Variants in TOMM40 observed in about 807,000 individuals in gnomAD.
TOMM40 encodes mitochondrial import receptor subunit TOM40 homolog.
A neutral mutation model predicts 38.4 loss-of-function variants in TOMM40; 9 were observed. The observed-to-expected ratio is 0.23, with a 90% CI of 0.14 to 0.41. TOMM40 has a LOEUF of 0.41. Among genes scored for constraint, TOMM40 ranks in the 10% least tolerant of loss-of-function variants. The probability of loss-of-function intolerance (pLI) is 1.00; values close to 1 mark genes in which losing one functional copy is unlikely to be tolerated. For missense variants in TOMM40, 299 were observed against 486.5 expected, an observed-to-expected ratio of 0.61 and a Z score of 3.63; for synonymous variants, 184 against 210.0, an observed-to-expected ratio of 0.88 and a Z score of 1.07.
intron 5 of TOMM40, among the ~76,000 whole-genome samples, chr19:44,897,778 A>G (rs1969594374): frequency 7.3e-6 from 1 of 137,638 alleles, no homozygotes; most frequent in Non-Finnish European, 1.6e-5. Flanking sequence ...CCCCATCTCA[A>G]AAAAAAAAAA....
chr19:44,901,159 C>A, intron 7 of TOMM40, 49 bp from the exon 8 acceptor site: 3 of 1,613,726 alleles, frequency 1.9e-6, no homozygotes, highest in South Asian at 1.1e-5. Context: ...GCCTGGAAGT[C>A]CAGGTGGGGC....
chr19:44,892,675 A>G (rs1969489592), intron 2 of TOMM40, among the ~76,000 whole-genome samples, 162 bp from the exon 3 acceptor site: 1 of 152,192 alleles, frequency 6.6e-6, no homozygotes, highest in Non-Finnish European at 1.5e-5. Flanking sequence ...GTGAAGGAAC[A>G]GGTCTGTGGG....
chr19:44,900,626 G>A, intron 5 of TOMM40, 104 bp from the exon 6 acceptor site: 1 of 1,596,550 alleles, frequency 6.3e-7, no homozygotes, highest in Non-Finnish European at 8.5e-7. Context: ...AGGCCTGAGA[G>A]CAAGCCCAAG....
At chr19:44,893,048 G>C in intron 3 of TOMM40, 119 bp downstream of exon 3, 2 of 766,654 alleles carry the variant, frequency 2.6e-6, no homozygotes, top group Non-Finnish European at 2.1e-6. Flanking sequence ...TGGAGATGGG[G>C]ATTGCATCTC....
intron 8 of TOMM40, chr19:44,902,193 T>G (rs771019628): frequency 3.3e-5 from 5 of 152,192 alleles, no homozygotes; most frequent in Non-Finnish European, 7.3e-5. Context: ...CCCCTCTTAT[T>G]TTTCTGCACT....
intron 5 of TOMM40, among the ~76,000 whole-genome samples, chr19:44,895,272 G>A (rs1969544038): frequency 6.6e-6 from 1 of 152,150 alleles, no homozygotes; most frequent in South Asian, 2.1e-4. Flanking sequence ...TGCCAGAGGA[G>A]GAGAAGGGGC....
chr19:44,892,779 C>G, intron 2 of TOMM40, 58 bp from the exon 3 acceptor site: 1 of 1,436,302 alleles, frequency 7.0e-7, no homozygotes, highest in Non-Finnish European at 9.8e-7. Flanking sequence ...TGTCCTTGCC[C>G]TCTTCAGTGG....
At chr19:44,892,798 A>G (rs1206999873) in intron 2 of TOMM40, 39 bp from the exon 3 acceptor site, 2 of 1,535,948 alleles carry the variant, frequency 1.3e-6, no homozygotes, top group Non-Finnish European at 9.0e-7. Context: ...GGGCAAGCCT[A>G]TCTGTCCAGT....
chr19:44,895,794 G>C (rs540598740), intron 5 of TOMM40, among the ~76,000 whole-genome samples: 14 of 151,918 alleles, frequency 9.2e-5, no homozygotes, highest in Non-Finnish European at 2.1e-4. Flanking sequence ...TGATCCACCC[G>C]CCCCGGCCTC....
intron 5 of TOMM40, among the ~76,000 whole-genome samples, chr19:44,898,521 TTTTC>T (rs1299562411): frequency 7.2e-6 from 1 of 138,658 alleles, no homozygotes; most frequent in Middle Eastern, 3.5e-3. Flanking sequence ...CTTTTTTTTT[TTTTC>T]TTTTTTTTTT....
At position 44,901,101 on chromosome 19, in the gene TOMM40, C is replaced by T; in HGVS notation, c.840C>T (p.Asp280=). ...MHATYYHKAS[D]QLQVGVEFEA... ...CAACATACTACCACAAAGCCAGTGA[C>T]CAGGTGAGTGGGTGCAGGGACTAGC... is the stretch of plus-strand genomic sequence containing the variant. Residue 280 remains aspartate (D), a synonymous_variant, in exon 7 of 9, where the codon GAC becomes GAT. Transcript: ENST00000426677. The T allele has an allele frequency of 6.2e-7, 1 of 1,614,266 alleles. No individual in the cohort carries two copies. The highest frequency in any genetic ancestry group is 8.5e-7 in the Non-Finnish European group (1 of 1,180,042).
At chr19:44,900,639 T>C in intron 5 of TOMM40, 91 bp from the exon 6 acceptor site, 1 of 1,603,980 alleles carries the variant, frequency 6.2e-7, no homozygotes, top group Non-Finnish European at 8.5e-7. Context: ...AGCCCAAGCC[T>C]CCAGCCGGGG....
intron 8 of TOMM40, chr19:44,902,674 G>A (rs11881832): frequency 0.013 from 2,292 of 179,492 alleles, 62 homozygotes; most frequent in African/African-American, 0.05. Flanking sequence ...CACAGATTTT[G>A]GGTGTTTGAG....
Position 44,897,828 on chromosome 19 carries a change from G to T in TOMM40, c.644-2902G>T, listed in dbSNP as rs573746475. The stretch of plus-strand genomic sequence containing the variant: ...GGAGAGATGGGGGTCTCGCCATGTT[G>T]CCCCAGCTGGTCTCAGACTCCTGGG... On this transcript the variant is annotated intron_variant, in intron 5 of 8. Transcript: ENST00000426677. Among the ~76,000 whole-genome samples the T allele has an allele frequency of 2.6e-4, 39 of 149,848 alleles. 1 individual carries two copies. The highest frequency in any genetic ancestry group is 3.5e-3 in the Middle Eastern group (1 of 282).
intron 5 of TOMM40, among the ~76,000 whole-genome samples, chr19:44,897,738 C>T (rs1305743602): frequency 6.6e-6 from 1 of 150,494 alleles, no homozygotes; most frequent in African/African-American, 2.4e-5. Context: ...GACGCCTTTG[C>T]ACTCCAGCCT....
intron 5 of TOMM40, among the ~76,000 whole-genome samples, chr19:44,896,901 T>C (rs1425846767): frequency 6.6e-6 from 1 of 152,058 alleles, no homozygotes; most frequent in Non-Finnish European, 1.5e-5. Flanking sequence ...CAAAAAAAAT[T>C]AGAAATTAGG....
chr19:44,895,178 C>T (rs1199980786), intron 5 of TOMM40, among the ~76,000 whole-genome samples: 2 of 152,056 alleles, frequency 1.3e-5, no homozygotes, highest in Non-Finnish European at 2.9e-5. Flanking sequence ...TAGGGTTGGC[C>T]TTGGACCCCT....
intron 3 of TOMM40, 117 bp from the exon 4 acceptor site, chr19:44,893,663 C>T (rs530377992): frequency 7.7e-6 from 6 of 781,886 alleles, no homozygotes; most frequent in East Asian, 3.0e-5. Flanking sequence ...GAGAGCACTT[C>T]GTGGAGGAGG....
At chr19:44,900,993 T>C (rs2122778701) in intron 6 of TOMM40, 35 bp from the exon 7 acceptor site, 1 of 1,613,158 alleles carries the variant, frequency 6.2e-7, no homozygotes, top group East Asian at 2.2e-5. Context: ...ATCCCCTTGG[T>C]AATGAGACCC....
Sources: gnomAD v4.1 joint callset for allele counts (sites outside exome capture counted in the v4.1 genomes callset) on GRCh38, gnomAD v4.1.1 for gene constraint, MANE v1.5 for transcripts, NCBI Gene and HGNC (gene_info 2026-07-23, HGNC 2026-07-21) for gene names.